The following CAPG variants were observed in gnomAD, a reference collection of about 807,000 sequenced individuals.
CAPG encodes the protein macrophage-capping protein.
A neutral mutation model predicts 44.6 loss-of-function variants in CAPG; 32 were observed. The ratio of observed to expected loss-of-function variants is 0.72; its 90% CI spans 0.54 to 0.96. The LOEUF is 0.96. Among genes scored for constraint, CAPG ranks in the 50% least tolerant of loss-of-function variants. The probability of loss-of-function intolerance (pLI) is 0.00; values close to 1 mark genes in which losing one functional copy is unlikely to be tolerated. For synonymous variants in CAPG, 175 were observed against 179.6 expected (o/e 0.97, Z 0.20); for missense variants, 412 against 438.3 (o/e 0.94, Z 0.54).
chr2:85,410,377 T>G (rs549255314), upstream of CAPG: 1 of 152,608 alleles, frequency 6.6e-6, no homozygotes, highest in South Asian at 2.1e-4. Context: ...ACTTCCCTCT[T>G]ACTTCTCTGG....
At chr2:85,392,799 G>A (rs1013220017), downstream of CAPG, among the ~76,000 whole-genome samples, 2 of 152,192 alleles carry the variant, frequency 1.3e-5, no homozygotes, top group Non-Finnish European at 2.9e-5. Flanking sequence ...GAGTTGAATT[G>A]CAGGGGAGAA....
At chr2:85,392,279 A>C (rs1686411997), downstream of CAPG, among the ~76,000 whole-genome samples, 1 of 151,842 alleles carries the variant, frequency 6.6e-6, no homozygotes, top group South Asian at 2.1e-4. Context: ...AGTCCCAGCT[A>C]CTCAAGAGGC....
intron 1 of CAPG, chr2:85,409,891 C>G (rs1687341642): frequency 6.6e-6 from 1 of 152,336 alleles, no homozygotes; most frequent in South Asian, 2.1e-4. Context: ...CACTCCCACC[C>G]AAATAGCATC....
chr2:85,401,535 C>A lies in CAPG; in HGVS notation c.345G>T (p.Lys115Asn). ...CCTAGAGGTGGGCTCTGACCTGGTA[C>A]TTGAGGCCCCGTGGGAAGTAGCTCA... The part of the protein sequence containing the change: ...LFMSYFPRGL[K>N]YQEGGVESAF... The change falls in exon 4 of 10, where the codon AAG (lysine) becomes AAT (asparagine). Residue 115 changes from lysine (K) to asparagine (N), a missense_variant. Coordinates refer to ENST00000263867, the MANE Select transcript of CAPG (RefSeq NM_001747.4). The A allele has an allele frequency of 6.2e-7, 1 of 1,614,154 alleles. No homozygotes were observed. The highest frequency in any genetic ancestry group is 8.5e-7 in the Non-Finnish European group (1 of 1,180,012).
rs535614874 is a variant in CAPG, at chr2:85,397,663, A to G, written c.892+357T>C. ...GGTTGCAGTGAGCCAAGATCGTGCC[A>G]CTGCACTCCAGCCTGGGTAACAGAG... On this transcript the variant is annotated intron_variant, in intron 8 of 9. Transcript: ENST00000263867. Among the ~76,000 whole-genome samples, 5 of 150,220 alleles carry G rather than the reference A, an allele frequency of 3.3e-5. No homozygotes were observed. In the East Asian group the frequency reaches 9.7e-4, roughly 29 times the overall value.
At position 85,399,140 on chromosome 2, in the gene CAPG, A is replaced by G. The variant is rs1311889618; in HGVS notation, c.662T>C (p.Ile221Thr). Residue 221 changes from isoleucine (I) to threonine (T), a missense_variant, in exon 6 of 10, where the codon ATC (isoleucine) becomes ACC (threonine). Ile to Thr is a moderately conservative substitution (Grantham distance 89). Coordinates refer to ENST00000263867, the MANE Select transcript of CAPG (RefSeq NM_001747.4). The part of the protein sequence containing the change: ...VTDGEEPAEM[I>T]QVLGPKPALK... ...CCCACTCCAATGTCCCCCAACCTGGATCATCTCAGCAGGCTCCTCCCCATC... is the reference window on the plus strand; with the variant it reads ...CCCACTCCAATGTCCCCCAACCTGGGTCATCTCAGCAGGCTCCTCCCCATC... The G allele has an allele frequency of 1.9e-6, 3 of 1,613,544 alleles. No individual in the cohort carries two copies. Among genetic ancestry groups the G allele is most frequent in the African/African-American group, 2.7e-5 (2 of 74,924 alleles).
chr2:85,395,742 A>G lies in CAPG; in HGVS notation c.893-116T>C. The stretch of plus-strand genomic sequence containing the variant: ...GAAGAGCCAGCAATTTTTACAATAA[A>G]TGGACCAGGGGTCCCAAGAATGCCG... On this transcript the variant is annotated intron_variant, in intron 8 of 9. Coordinates refer to ENST00000263867, the MANE Select transcript of CAPG (RefSeq NM_001747.4). The surrounding 1 kb of genome is among the most constrained non-coding windows in gnomAD (Gnocchi z 4.3). The G allele has an allele frequency of 1.4e-6, 1 of 693,994 alleles. No homozygotes were observed. Among genetic ancestry groups the G allele is most frequent in the South Asian group, 1.7e-5 (1 of 59,124 alleles). 43.0% of individuals were successfully genotyped at this position (693,994 alleles called of 1,614,324 possible). A position where few individuals can be genotyped will look rare whatever the true frequency, so the allele number is the denominator to read the frequency against.
chr2:85,393,675 C>T (rs1484731463), downstream of CAPG, among the ~76,000 whole-genome samples: 1 of 152,162 alleles, frequency 6.6e-6, no homozygotes, highest in African/African-American at 2.4e-5. Context: ...AGCGATTCTC[C>T]TGCCTCAGCC....
intron 1 of CAPG, among the ~76,000 whole-genome samples, chr2:85,409,611 G>A (rs1457282939): frequency 1.3e-5 from 2 of 151,846 alleles, no homozygotes; most frequent in Non-Finnish European, 2.9e-5. Flanking sequence ...GCCCACCCTC[G>A]AAACCAAACT....
downstream of CAPG, among the ~76,000 whole-genome samples, chr2:85,392,579 G>C (rs539431012): frequency 1.6e-3 from 245 of 152,274 alleles, 2 homozygotes; most frequent in African/African-American, 5.6e-3. Context: ...CACAGAGGTA[G>C]GGAAGAGAGG....
intron 6 of CAPG, 135 bp downstream of exon 6, chr2:85,399,001 G>T: frequency 9.5e-7 from 1 of 1,047,752 alleles, no homozygotes; most frequent in Non-Finnish European, 1.4e-6. Flanking sequence ...CCTGTGAGCT[G>T]GCCACAGCCC....
upstream of CAPG, among the ~76,000 whole-genome samples, chr2:85,412,208 A>C (rs577795029): frequency 6.6e-6 from 1 of 152,144 alleles, no homozygotes; most frequent in Non-Finnish European, 1.5e-5. Flanking sequence ...CCAAACTGCC[A>C]GGCTTAAAAA....
rs1444145516 is a variant in CAPG at position 85,398,073 on chromosome 2, TCAGATATCAG to T, written c.829_838del (p.Leu277MetfsTer105). On this transcript the variant is annotated frameshift_variant, in exon 8 of 10. Transcript: ENST00000263867. LOFTEE classifies it high-confidence loss of function. Reference sequence around the variant, plus strand: ...CCCGTTGTCCAGCACAAAGCAGTCATCAGATATCAGCAGTTCAAGGGCAAATGGGCTGGAG... The same window carrying T: ...CCCGTTGTCCAGCACAAAGCAGTCATCAGTTCAAGGGCAAATGGGCTGGAG... The T allele has an allele frequency of 5.6e-6, 9 of 1,613,936 alleles. No individual in the cohort carries two copies. Among genetic ancestry groups the T allele is most frequent in the Non-Finnish European group, 6.8e-6 (8 of 1,179,998 alleles).
At chr2:85,413,265 G>A (rs1156688412), upstream of CAPG, 1 of 152,254 alleles carries the variant, frequency 6.6e-6, no homozygotes, top group Non-Finnish European at 1.5e-5. Context: ...AGGAAAAAAG[G>A]GGAGAGGTTT....
At chr2:85,398,647 C>T (rs573292940) in intron 7 of CAPG, 43 bp downstream of exon 7, 7 of 1,489,110 alleles carry the variant, frequency 4.7e-6, no homozygotes, top group African/African-American at 1.4e-5. Context: ...CAGGCTCCCA[C>T]CCTCCCTGCT....
downstream of CAPG, among the ~76,000 whole-genome samples, chr2:85,393,112 T>A (rs528532930): frequency 6.6e-6 from 1 of 151,766 alleles, no homozygotes; most frequent in Non-Finnish European, 1.5e-5. Flanking sequence ...CTCGGCTCAC[T>A]GCAATCTCCA....
At chr2:85,412,071 A>T (rs573230065), upstream of CAPG, among the ~76,000 whole-genome samples, 6 of 151,024 alleles carry the variant, frequency 4.0e-5, no homozygotes, top group South Asian at 8.4e-4. Context: ...CAAAAAAAAA[A>T]AAAGCAATAC....
chr2:85,413,370 AG>A (rs1370554971), upstream of CAPG: 1 of 152,272 alleles, frequency 6.6e-6, no homozygotes, highest in East Asian at 1.9e-4. Flanking sequence ...ACCTGAGGTC[AG>A]AAGTTCGAGA....
At chr2:85,410,916 C>T (rs545742321), upstream of CAPG, among the ~76,000 whole-genome samples, 60 of 151,156 alleles carry the variant, frequency 4.0e-4, no homozygotes, top group Non-Finnish European at 6.6e-4. Flanking sequence ...GCTGGAGTGC[C>T]GTGGCATTAT....
Sources: gnomAD v4.1 joint callset for allele counts (sites outside exome capture counted in the v4.1 genomes callset) on GRCh38, gnomAD v4.1.1 for gene constraint, Gnocchi (gnomAD v3.1) non-coding constraint, MANE v1.5 for transcripts, NCBI Gene and HGNC (gene_info 2026-07-23, HGNC 2026-07-21) for gene names.